The following CERS6 variants were observed in gnomAD, a reference collection of about 807,000 sequenced individuals.
CERS6 encodes ceramide synthase 6.
Under a neutral mutation model 56.8 loss-of-function variants are expected in CERS6, and 26 were observed. That is an observed-to-expected ratio of 0.46 (90% CI 0.34 to 0.63). The LOEUF is 0.63. Among genes scored for constraint, CERS6 ranks in the 30% least tolerant of loss-of-function variants. The pLI, the probability that CERS6 is intolerant of heterozygous loss-of-function variation, is 0.01. For missense variants in CERS6, 415 were observed against 467.5 expected (o/e 0.89, Z 1.04); for synonymous variants, 164 against 173.3 (o/e 0.95, Z 0.42).
chr2:168,623,418 G>A (rs1684518831), intron 3 of CERS6, among the ~76,000 whole-genome samples: 1 of 151,978 alleles, frequency 6.6e-6, no homozygotes, highest in Non-Finnish European at 1.5e-5. Flanking sequence ...TTATCATGTT[G>A]TACACATTCA....
intron 1 of CERS6, among the ~76,000 whole-genome samples, chr2:168,522,769 G>A (rs774401369): frequency 1.2e-4 from 18 of 152,026 alleles, no homozygotes; most frequent in Non-Finnish European, 1.5e-4. Context: ...GGCTGGGCTC[G>A]GATTCCTGGG....
chr2:168,562,998 A>G (rs1255569869), intron 3 of CERS6, among the ~76,000 whole-genome samples: 1 of 152,180 alleles, frequency 6.6e-6, no homozygotes, highest in African/African-American at 2.4e-5. Context: ...GTCATGTGCC[A>G]TCTTTCCCTC....
At chr2:168,668,687 C>T (rs1432021473) in intron 4 of CERS6, among the ~76,000 whole-genome samples, 1 of 152,108 alleles carries the variant, frequency 6.6e-6, no homozygotes, top group Non-Finnish European at 1.5e-5. Context: ...CTCCTGACCT[C>T]AGGTAATCTG....
At chr2:168,660,337 A>T (rs1167358792) in intron 4 of CERS6, among the ~76,000 whole-genome samples, 1 of 152,218 alleles carries the variant, frequency 6.6e-6, no homozygotes, top group Non-Finnish European at 1.5e-5. Context: ...CTTGTTTACC[A>T]TGCCATGCCT....
chr2:168,670,968 C>CA (rs1559045189), intron 4 of CERS6, among the ~76,000 whole-genome samples: 5 of 23,018 alleles, frequency 2.2e-4, no homozygotes, highest in Non-Finnish European at 1.0e-3. Flanking sequence ...TACATGCTTC[C>CA]CCCCCCCCCC....
rs527715693 is a variant in CERS6 at position 168,566,571 on chromosome 2, C to G, written c.407+5249C>G. Among the ~76,000 whole-genome samples the G allele has an allele frequency of 3.3e-5, 5 of 152,242 alleles. No homozygotes were observed. The South Asian group carries it at 1.0e-3, about 32-fold the overall frequency. On this transcript the variant is annotated intron_variant, in intron 3 of 9. Transcript: ENST00000305747. ...TGCCTTCATGCTACTAACTTGGTCA[C>G]CTTGAATCTAAATAGCAGTTTTTAC...
chr2:168,657,577 C>G (rs1274153970), intron 4 of CERS6, among the ~76,000 whole-genome samples: 1 of 152,256 alleles, frequency 6.6e-6, no homozygotes, highest in Non-Finnish European at 1.5e-5. Context: ...GTCCCGAGCC[C>G]TGCCCCGTGG....
intron 1 of CERS6, among the ~76,000 whole-genome samples, chr2:168,522,153 A>C (rs1694994831): frequency 6.6e-6 from 1 of 152,198 alleles, no homozygotes; most frequent in Non-Finnish European, 1.5e-5. Flanking sequence ...GTTTTATAGC[A>C]TTGGTCTTGA....
chr2:168,715,177 A>T, intron 7 of CERS6, 48 bp downstream of exon 7: 1 of 1,568,058 alleles, frequency 6.4e-7, no homozygotes, highest in South Asian at 1.2e-5. Flanking sequence ...AAAATTTAGG[A>T]AGTCCCCAAT....
At chr2:168,471,617 T>TA (rs1693979714) in intron 1 of CERS6, among the ~76,000 whole-genome samples, 1 of 152,162 alleles carries the variant, frequency 6.6e-6, no homozygotes, top group Admixed American at 6.6e-5. Context: ...GAGACAAAAA[T>TA]ACTGCATTTA....
At chr2:168,663,574 A>G (rs1482654314) in intron 4 of CERS6, among the ~76,000 whole-genome samples, 2 of 152,114 alleles carry the variant, frequency 1.3e-5, no homozygotes, top group Non-Finnish European at 2.9e-5. Flanking sequence ...CACATTTTCT[A>G]TATAGAGATT....
chr2:168,598,731 C>G (rs997862047), intron 3 of CERS6, among the ~76,000 whole-genome samples: 1 of 152,212 alleles, frequency 6.6e-6, no homozygotes, highest in Non-Finnish European at 1.5e-5. Context: ...CAATATAGAG[C>G]TATCCCTTAA....
chr2:168,537,451 T>A (rs766336466), intron 1 of CERS6, among the ~76,000 whole-genome samples: 1 of 152,212 alleles, frequency 6.6e-6, no homozygotes, highest in Non-Finnish European at 1.5e-5. Context: ...TTAGGGAGAG[T>A]GGCTAATTTC....
At chr2:168,585,411 C>T (rs533623515) in intron 3 of CERS6, among the ~76,000 whole-genome samples, 4 of 152,336 alleles carry the variant, frequency 2.6e-5, no homozygotes, top group African/African-American at 9.6e-5. Context: ...CCTGTCTCTT[C>T]CCTGAAAAGT....
At chr2:168,594,770 T>C (rs2105405761) in intron 3 of CERS6, among the ~76,000 whole-genome samples, 1 of 152,288 alleles carries the variant, frequency 6.6e-6, no homozygotes, top group East Asian at 1.9e-4. Flanking sequence ...CTCCAGAGAT[T>C]CTTCCCTGAG....
chr2:168,562,192 G>A (rs1695802241), intron 3 of CERS6, among the ~76,000 whole-genome samples: 1 of 152,132 alleles, frequency 6.6e-6, no homozygotes, highest in Admixed American at 6.5e-5. Context: ...CTTTCTCTTT[G>A]GGGTTGGAGC....
chr2:168,750,892 T>C (rs1002324417), intron 8 of CERS6, among the ~76,000 whole-genome samples: 1 of 152,198 alleles, frequency 6.6e-6, no homozygotes, highest in Non-Finnish European at 1.5e-5. Context: ...TTCTTTGAGG[T>C]TCACTATTAT....
At chr2:168,518,560 A>G (rs1240291425) in intron 1 of CERS6, among the ~76,000 whole-genome samples, 1 of 151,524 alleles carries the variant, frequency 6.6e-6, no homozygotes, top group Non-Finnish European at 1.5e-5. Flanking sequence ...CCCACTCCCT[A>G]ATTTTTCCTG....
chr2:168,507,930 A>G (rs1426642270), intron 1 of CERS6, among the ~76,000 whole-genome samples: 1 of 152,136 alleles, frequency 6.6e-6, no homozygotes, highest in East Asian at 1.9e-4. Flanking sequence ...TGCCTTAAGC[A>G]TAGGTAATAG....
Sources: gnomAD v4.1 joint callset for allele counts (sites outside exome capture counted in the v4.1 genomes callset) on GRCh38, gnomAD v4.1.1 for gene constraint, MANE v1.5 for transcripts, NCBI Gene and HGNC (gene_info 2026-07-23, HGNC 2026-07-21) for gene names.